Variants in GLI2 observed in about 807,000 individuals in gnomAD.
The protein encoded by GLI2 is transcription activator GLI2.
A neutral mutation model predicts 78.9 loss-of-function variants in GLI2; 22 were observed. The observed-to-expected ratio is 0.28, with a 90% CI of 0.20 to 0.40. The LOEUF (loss-of-function observed/expected upper bound fraction) is 0.40. Among genes scored for constraint, GLI2 ranks in the 10% least tolerant of loss-of-function variants. GLI2 has a pLI of 1.00. For missense variants in GLI2, 2,097 were observed against 2,213.2 expected (o/e 0.95, Z 1.05); for synonymous variants, 974 against 963.7 (o/e 1.01, Z -0.20).
intron 2 of GLI2, among the ~76,000 whole-genome samples, chr2:120,884,167 G>T (rs1269590670): frequency 2.6e-5 from 4 of 152,188 alleles, no homozygotes; most frequent in Admixed American, 1.3e-4. Flanking sequence ...GAAGGGGAGA[G>T]AGCGCCCATC....
chr2:120,974,663 T>G (rs1682359289), intron 8 of GLI2, among the ~76,000 whole-genome samples: 1 of 152,148 alleles, frequency 6.6e-6, no homozygotes, highest in African/African-American at 2.4e-5. Flanking sequence ...CCCACAGCAC[T>G]TCGATGAAGA....
intron 2 of GLI2, among the ~76,000 whole-genome samples, chr2:120,926,025 A>C (rs2104864299): frequency 7.9e-6 from 1 of 126,588 alleles, no homozygotes; most frequent in Non-Finnish European, 1.6e-5. Flanking sequence ...GTGAGCCGAG[A>C]TCGCTCCACT....
intron 1 of GLI2, among the ~76,000 whole-genome samples, chr2:120,744,200 G>A (rs757912282): frequency 5.3e-5 from 8 of 152,254 alleles, no homozygotes; most frequent in Non-Finnish European, 1.0e-4. Context: ...TGAGGTCGTT[G>A]CAGTCTGATG....
Position 120,986,428 on chromosome 2 carries a change from G to A in GLI2, c.2056G>A (p.Gly686Arg). 1 of 1,613,900 alleles carries A rather than the reference G, an allele frequency of 6.2e-7. No individual in the cohort carries two copies. The highest frequency in any genetic ancestry group is 8.5e-7 in the Non-Finnish European group (1 of 1,180,012). Residue 686 changes from glycine (G) to arginine (R), a missense_variant, in exon 13 of 14, where the codon GGG (glycine) becomes AGG (arginine). Physicochemically the swap from Gly to Arg is moderately radical, Grantham distance 125. Around this residue, in one of 5 missense-constraint regions of GLI2, gnomAD observed 1,290 missense variants for 1,261.7 expected, o/e 1.02. Coordinates refer to ENST00000361492, the MANE Select transcript of GLI2 (RefSeq NM_001374353.1). ...DLTALDDTPP[G>R]ADTSALAAPS... is the part of the protein sequence containing the mutation. ...GACGGCACTGGATGACACACCCCCA[G>A]GGGCCGACACCTCAGCCCTGGCTGC...
chr2:120,867,719 G>A (rs1688214998), intron 2 of GLI2, among the ~76,000 whole-genome samples: 1 of 152,220 alleles, frequency 6.6e-6, no homozygotes. Flanking sequence ...CCTTCCCCTT[G>A]TCTGCTGCGC....
At chr2:120,788,243 C>T (rs766091126) in intron 1 of GLI2, among the ~76,000 whole-genome samples, 5 of 152,240 alleles carry the variant, frequency 3.3e-5, no homozygotes, top group African/African-American at 7.2e-5. Flanking sequence ...GTGACAACCA[C>T]TGACGTGTGC....
intron 1 of GLI2, among the ~76,000 whole-genome samples, chr2:120,741,187 C>G (rs1682528101): frequency 6.6e-6 from 1 of 152,116 alleles, no homozygotes; most frequent in Non-Finnish European, 1.5e-5. Context: ...AGACCCAGCC[C>G]AAACCTGTAA....
At chr2:120,764,213 C>T (rs1197969229) in intron 1 of GLI2, among the ~76,000 whole-genome samples, 5 of 152,210 alleles carry the variant, frequency 3.3e-5, no homozygotes, top group Non-Finnish European at 4.4e-5. Flanking sequence ...AGCTGACTGG[C>T]GGGCTCGTGG....
At chr2:120,784,418 G>A (rs1316304267) in intron 1 of GLI2, among the ~76,000 whole-genome samples, 3 of 152,142 alleles carry the variant, frequency 2.0e-5, no homozygotes, top group Admixed American at 6.5e-5. Flanking sequence ...GAATGCAAAG[G>A]CCTGACAGGC....
intron 6 of GLI2, among the ~76,000 whole-genome samples, chr2:120,969,126 A>C (rs1682012866): frequency 6.6e-6 from 1 of 152,258 alleles, no homozygotes; most frequent in Non-Finnish European, 1.5e-5. Flanking sequence ...ATCTTCATGG[A>C]CCAGGCCTGT....
At chr2:120,756,061 G>T (rs1683026090) in intron 1 of GLI2, among the ~76,000 whole-genome samples, 1 of 152,068 alleles carries the variant, frequency 6.6e-6, no homozygotes, top group South Asian at 2.1e-4. Context: ...TAGGTCCTTT[G>T]CATTTTCATA....
At chr2:120,741,120 C>G (rs1033251153) in intron 1 of GLI2, among the ~76,000 whole-genome samples, 1 of 152,206 alleles carries the variant, frequency 6.6e-6, no homozygotes, top group Non-Finnish European at 1.5e-5. Context: ...CCCAGACTTA[C>G]AAACCATTTG....
intron 2 of GLI2, among the ~76,000 whole-genome samples, chr2:120,842,070 A>AC (rs1217916507): frequency 6.6e-6 from 1 of 151,458 alleles, no homozygotes; most frequent in Non-Finnish European, 1.5e-5. Flanking sequence ...AAAAAAAAAA[A>AC]AAAAAAACAG....
intron 2 of GLI2, among the ~76,000 whole-genome samples, chr2:120,879,305 A>C (rs72835593): frequency 6.6e-6 from 1 of 152,198 alleles, no homozygotes; most frequent in South Asian, 2.1e-4. Flanking sequence ...TAGTGGCTGC[A>C]GCTGAGTGTT....
At chr2:120,968,684 C>G in intron 5 of GLI2, 30 bp from the exon 6 acceptor site, 5 of 1,522,606 alleles carry the variant, frequency 3.3e-6, no homozygotes, top group Non-Finnish European at 4.6e-6. Context: ...CCCAGTGATG[C>G]TGACCTGTCT....
chr2:120,938,682 A>G (rs551464422), intron 3 of GLI2, among the ~76,000 whole-genome samples: 38 of 152,190 alleles, frequency 2.5e-4, no homozygotes, highest in Non-Finnish European at 4.1e-4. Context: ...GGTCGCATAT[A>G]TGGGATGCGT....
chr2:120,889,379 C>G (rs1392383849), intron 2 of GLI2, among the ~76,000 whole-genome samples: 2 of 152,204 alleles, frequency 1.3e-5, no homozygotes, highest in Non-Finnish European at 2.9e-5. Flanking sequence ...GTCAGCTCCT[C>G]CATCGAGGAA....
chr2:120,892,414 G>A (rs565845580), intron 2 of GLI2, among the ~76,000 whole-genome samples: 2 of 152,342 alleles, frequency 1.3e-5, no homozygotes, highest in South Asian at 2.1e-4. Context: ...AAAAGTGGGT[G>A]CATAAATCCT....
chr2:120,758,248 C>T (rs1336012731), intron 1 of GLI2, among the ~76,000 whole-genome samples: 2 of 152,368 alleles, frequency 1.3e-5, no homozygotes, highest in East Asian at 3.9e-4. Context: ...CTCCTAGCAC[C>T]ACACACAATC....
Sources: gnomAD v4.1 joint callset for allele counts (sites outside exome capture counted in the v4.1 genomes callset) on GRCh38, gnomAD v4.1.1 for gene constraint, gnomAD v4.1.1 regional missense constraint, MANE v1.5 for transcripts, NCBI Gene and HGNC (gene_info 2026-07-23, HGNC 2026-07-21) for gene names.